ANKS1B: variants seen among roughly 807,000 people sequenced by gnomAD.
The protein encoded by ANKS1B is ankyrin repeat and sterile alpha motif domain containing 1B, also known as ankyrin repeat and sterile alpha motif domain-containing protein 1B.
ANKS1B carries 36 observed loss-of-function variants against 148.3 expected under a neutral mutation model. The observed-to-expected ratio is 0.24, with a 90% CI of 0.19 to 0.32. The LOEUF (loss-of-function observed/expected upper bound fraction) is 0.32, where lower values mean the gene tolerates loss of function less well. ANKS1B is among the 10% of genes least tolerant of loss of function. The probability of loss-of-function intolerance (pLI) is 1.00; values close to 1 mark genes in which losing one functional copy is unlikely to be tolerated. For synonymous variants in ANKS1B, 542 were observed against 560.8 expected (o/e 0.97, Z 0.47); for missense variants, 1,157 against 1,542.6 (o/e 0.75, Z 4.19).
intron 2 of ANKS1B, among the ~76,000 whole-genome samples, chr12:99,820,385 G>A (rs1288239656): frequency 6.6e-6 from 1 of 151,908 alleles, no homozygotes; most frequent in East Asian, 1.9e-4. Flanking sequence ...TATGTTGGGG[G>A]TAGGGGGACA....
intron 14 of ANKS1B, among the ~76,000 whole-genome samples, chr12:99,178,597 T>C (rs2078698479): frequency 6.6e-6 from 1 of 152,250 alleles, no homozygotes; most frequent in Non-Finnish European, 1.5e-5. Flanking sequence ...GTTGTATTTA[T>C]AACAATGCAG....
At chr12:99,085,111 G>A (rs7970088) in intron 15 of ANKS1B, 88 bp from the exon 16 acceptor site, 1,112,993 of 1,114,686 alleles carry the variant, frequency 1, 555,655 homozygotes, top group Middle Eastern at 1. Context: ...GAGAAAACCA[G>A]TGAGTGACCT....
At chr12:99,052,954 T>C (rs1212715286) in intron 17 of ANKS1B, among the ~76,000 whole-genome samples, 1 of 152,100 alleles carries the variant, frequency 6.6e-6, no homozygotes, top group Non-Finnish European at 1.5e-5. Flanking sequence ...CAAAATACCC[T>C]GGGAGTTCTC....
chr12:99,314,889 A>C (rs2083764664), intron 12 of ANKS1B, among the ~76,000 whole-genome samples: 1 of 152,202 alleles, frequency 6.6e-6, no homozygotes, highest in Non-Finnish European at 1.5e-5. Flanking sequence ...CACCAAAAGC[A>C]ATTGCGACAA....
chr12:99,057,557 A>T (rs919485902), intron 16 of ANKS1B, among the ~76,000 whole-genome samples: 1 of 152,184 alleles, frequency 6.6e-6, no homozygotes, highest in Admixed American at 6.5e-5. Flanking sequence ...TTTTAGAAAC[A>T]TATCTAACGA....
chr12:99,677,008 T>C (rs575942540), intron 8 of ANKS1B, among the ~76,000 whole-genome samples: 1 of 152,348 alleles, frequency 6.6e-6, no homozygotes, highest in South Asian at 2.1e-4. Flanking sequence ...TACTGACATA[T>C]ATCCCAAATA....
intron 17 of ANKS1B, among the ~76,000 whole-genome samples, chr12:98,966,268 C>T (rs143879878): frequency 0.015 from 2,249 of 152,294 alleles, 56 homozygotes; most frequent in South Asian, 0.046. Context: ...CAAAAGAAGA[C>T]ATTTATGCAG....
At chr12:99,391,080 T>C (rs1456168518) in intron 12 of ANKS1B, among the ~76,000 whole-genome samples, 2 of 152,214 alleles carry the variant, frequency 1.3e-5, no homozygotes, top group African/African-American at 4.8e-5. Context: ...TCCGGCCCCA[T>C]GTACCAGCCA....
chr12:99,776,828 G>A (rs2063701128), intron 6 of ANKS1B, among the ~76,000 whole-genome samples: 1 of 151,924 alleles, frequency 6.6e-6, no homozygotes, highest in Non-Finnish European at 1.5e-5. Context: ...CTACAGATAT[G>A]TGCCACCACA....
rs931824639 is a variant in ANKS1B at position 99,496,977 on chromosome 12, G to T, written c.1438+7499C>A. On this transcript the variant is annotated intron_variant, in intron 10 of 26. Coordinates refer to ENST00000683438, the MANE Select transcript of ANKS1B (RefSeq NM_001352186.2). ...CCTCTCCCTATTATGTATTGAATTT[G>T]TGTGCTCAGTTTTAATCCCTATATT... Among the ~76,000 whole-genome samples the T allele has an allele frequency of 1.3e-4, 20 of 152,188 alleles. No individual in the cohort carries two copies. The East Asian group carries it at 3.3e-3, about 25-fold the overall frequency.
intron 12 of ANKS1B, among the ~76,000 whole-genome samples, chr12:99,251,175 A>C (rs1376177523): frequency 6.6e-6 from 1 of 152,144 alleles, no homozygotes; most frequent in African/African-American, 2.4e-5. Flanking sequence ...GTAGAACACA[A>C]ATATTTGGAC....
At chr12:98,944,167 GCAC>G (rs1567927219) in intron 17 of ANKS1B, among the ~76,000 whole-genome samples, 5 of 152,050 alleles carry the variant, frequency 3.3e-5, no homozygotes, top group African/African-American at 4.8e-5. Context: ...GGGTGTGGGG[GCAC>G]GTGCCTGTAA....
intron 15 of ANKS1B, among the ~76,000 whole-genome samples, chr12:99,091,219 A>G (rs2053871561): frequency 2.0e-5 from 3 of 152,138 alleles, no homozygotes; most frequent in African/African-American, 7.2e-5. Context: ...GTTTAGCATT[A>G]TATATTTAAC....
chr12:98,953,537 G>GTTTTTTTTTTTTTTTTT lies in ANKS1B; in HGVS notation c.2778+99603_2778+99619dup, dbSNP rs1166158783. ...CATGTCCATTTGAGAATCTAGAGTG[G>GTTTTTTTTTTTTTTTTT]TTTTTTTTTTTTTTTTTTTTTTTTT... is the stretch of plus-strand genomic sequence containing the variant. On this transcript the variant is annotated intron_variant, in intron 17 of 26. Coordinates refer to ENST00000683438, the MANE Select transcript of ANKS1B (RefSeq NM_001352186.2). Among the ~76,000 whole-genome samples, 20 of 57,456 alleles carry GTTTTTTTTTTTTTTTTT rather than the reference G, an allele frequency of 3.5e-4. 2 individuals carry two copies. Among genetic ancestry groups the GTTTTTTTTTTTTTTTTT allele is most frequent in the South Asian group, 1.4e-3 (2 of 1,428 alleles). The allele number at this position is 57,456 out of a possible 152,430, so 37.7% of individuals were successfully genotyped here.
At chr12:99,953,958 A>G (rs1242887089) in intron 1 of ANKS1B, among the ~76,000 whole-genome samples, 1 of 132,538 alleles carries the variant, frequency 7.5e-6, no homozygotes, top group African/African-American at 2.7e-5. Flanking sequence ...TAAATGTAAT[A>G]GGGGGTTTGT....
intron 8 of ANKS1B, among the ~76,000 whole-genome samples, chr12:99,663,274 G>C (rs1800668501): frequency 6.6e-6 from 1 of 152,030 alleles, no homozygotes; most frequent in African/African-American, 2.4e-5. Context: ...TCCTGGGAGA[G>C]ATATCACATG....
chr12:99,625,678 C>T (rs1197094842), intron 9 of ANKS1B, among the ~76,000 whole-genome samples: 1 of 152,094 alleles, frequency 6.6e-6, no homozygotes, highest in Non-Finnish European at 1.5e-5. Flanking sequence ...TTACCAACTT[C>T]ATGATAACAA....
At chr12:99,588,332 A>AG (rs2097664811) in intron 9 of ANKS1B, among the ~76,000 whole-genome samples, 4 of 152,150 alleles carry the variant, frequency 2.6e-5, no homozygotes, top group Admixed American at 1.3e-4. Context: ...CTCTTTCTAA[A>AG]GGATTTCTGG....
chr12:99,216,173 C>T (rs997430718), intron 14 of ANKS1B, among the ~76,000 whole-genome samples: 5 of 152,212 alleles, frequency 3.3e-5, no homozygotes, highest in Non-Finnish European at 7.3e-5. Context: ...CTTCGTTTGC[C>T]TTCTGTCATG....
Sources: gnomAD v4.1 joint callset for allele counts (sites outside exome capture counted in the v4.1 genomes callset) on GRCh38, gnomAD v4.1.1 for gene constraint, MANE v1.5 for transcripts, NCBI Gene and HGNC (gene_info 2026-07-23, HGNC 2026-07-21) for gene names.